The following DAB1 variants were observed in gnomAD, a reference collection of about 807,000 sequenced individuals.
DAB1 encodes disabled homolog 1.
DAB1 carries 15 observed loss-of-function variants against 64.6 expected under a neutral mutation model. The observed-to-expected ratio is 0.23, with a 90% CI of 0.16 to 0.36. The LOEUF (loss-of-function observed/expected upper bound fraction) is 0.36. DAB1 is among the 10% of genes least tolerant of loss of function. DAB1 has a pLI of 1.00. For synonymous variants in DAB1, 235 were observed against 251.9 expected (o/e 0.93, Z 0.64); for missense variants, 596 against 706.7 (o/e 0.84, Z 1.78).
chr1:57,566,126 C>T (rs1645117439), intron 7 of DAB1, among the ~76,000 whole-genome samples: 1 of 152,170 alleles, frequency 6.6e-6, no homozygotes, highest in South Asian at 2.1e-4. Flanking sequence ...GAAACTCACT[C>T]AAAACCACTC....
chr1:57,588,185 T>A (rs1645402465), intron 7 of DAB1, among the ~76,000 whole-genome samples: 5 of 152,216 alleles, frequency 3.3e-5, no homozygotes, highest in Admixed American at 3.3e-4. Flanking sequence ...ATGGGCAGCA[T>A]CAGCCTAACC....
intron 7 of DAB1, among the ~76,000 whole-genome samples, chr1:57,450,587 G>A (rs1686313757): frequency 6.6e-6 from 1 of 152,148 alleles, no homozygotes; most frequent in African/African-American, 2.4e-5. Flanking sequence ...ATTGCTCACA[G>A]GCTATACAAA....
chr1:57,532,611 A>G (rs1465770553), intron 7 of DAB1, among the ~76,000 whole-genome samples: 1 of 152,178 alleles, frequency 6.6e-6, no homozygotes, highest in African/African-American at 2.4e-5. Context: ...TGTGATATGC[A>G]TCAATAAGAG....
chr1:58,127,625 C>T (rs571470629), intron 5 of DAB1, among the ~76,000 whole-genome samples: 1 of 152,224 alleles, frequency 6.6e-6, no homozygotes, highest in South Asian at 2.1e-4. Flanking sequence ...CCATCTTGAA[C>T]TGATTTTTGT....
intron 1 of DAB1, among the ~76,000 whole-genome samples, chr1:57,365,803 T>C (rs992939230): frequency 6.6e-5 from 10 of 152,200 alleles, no homozygotes; most frequent in Admixed American, 6.5e-4. Context: ...CACAGACATT[T>C]ATACGGGCAG....
chr1:58,275,695 G>C (rs1033408863), intron 4 of DAB1, among the ~76,000 whole-genome samples: 3 of 152,136 alleles, frequency 2.0e-5, no homozygotes, highest in African/African-American at 7.2e-5. Context: ...ATAACAGAGT[G>C]AAGAAGTTGA....
chr1:58,281,960 A>G (rs1661573935), intron 4 of DAB1, among the ~76,000 whole-genome samples: 1 of 150,900 alleles, frequency 6.6e-6, no homozygotes, highest in African/African-American at 2.5e-5. Context: ...CATCATTGTT[A>G]TCATCATTAC....
intron 2 of DAB1, among the ~76,000 whole-genome samples, chr1:57,283,064 C>T (rs1247128231): frequency 6.6e-6 from 1 of 152,220 alleles, no homozygotes; most frequent in African/African-American, 2.4e-5. Flanking sequence ...TATGGCAACT[C>T]AGACAGACAA....
intron 7 of DAB1, among the ~76,000 whole-genome samples, chr1:57,497,232 G>GAGTATATAGTAATA (rs1389474937): frequency 5.3e-5 from 8 of 152,080 alleles, no homozygotes; most frequent in African/African-American, 1.9e-4. Flanking sequence ...TTTCTTTATA[G>GAGTATATAGTAATA]CACTTATTAC....
At position 57,439,418 on chromosome 1, in the gene DAB1, G is replaced by GTTTTTTTTTTTTTTTTTTTT; in HGVS notation, n.626-148253_626-148252insAAAAAAAAAAAAAAAAAAAA. ...GCCATGCCATCAACTTGGTGATGAG[G>GTTTTTTTTTTTTTTTTTTTT]TTTTTTCTTTTTTTTTTTTTTTTTT... On this transcript the variant is annotated intron_variant and non_coding_transcript_variant, in intron 7 of 20. Transcript: ENST00000485760. 1.2e-3 allele frequency among the ~76,000 whole-genome samples: 138 copies of GTTTTTTTTTTTTTTTTTTTT among 116,108 alleles called. 23 individuals carry two copies. The highest frequency in any genetic ancestry group is 3.8e-3 in the African/African-American group (108 of 28,268). 76.2% of individuals were successfully genotyped at this position (116,108 alleles called of 152,430 possible).
chr1:57,347,048 G>A (rs1678168293), intron 1 of DAB1, among the ~76,000 whole-genome samples: 1 of 152,198 alleles, frequency 6.6e-6, no homozygotes, highest in Non-Finnish European at 1.5e-5. Context: ...TAAAAGCTAT[G>A]ATATCAACCA....
rs190239412 is a variant in DAB1, at chr1:57,320,060, G to C, written c.-136-28894C>G. On this transcript the variant is annotated intron_variant, in intron 1 of 14. Coordinates refer to ENST00000371236, the MANE Select transcript of DAB1 (RefSeq NM_001365792.1). Reference sequence around the variant, plus strand: ...CTCCCTCTGGGTTTCTGTTATATCCGATAACAAATGGCTTTATTCCTTAAG... The same window carrying C: ...CTCCCTCTGGGTTTCTGTTATATCCCATAACAAATGGCTTTATTCCTTAAG... Among the ~76,000 whole-genome samples, 6 of 152,256 alleles carry C rather than the reference G, an allele frequency of 3.9e-5. No homozygotes were observed. In the East Asian group the frequency reaches 1.2e-3, roughly 29 times the overall value.
chr1:57,907,276 A>G (rs1212671038), intron 5 of DAB1, among the ~76,000 whole-genome samples: 1 of 152,214 alleles, frequency 6.6e-6, no homozygotes, highest in Non-Finnish European at 1.5e-5. Flanking sequence ...TGCACACAGC[A>G]TAGGTATCTG....
intron 6 of DAB1, among the ~76,000 whole-genome samples, chr1:57,764,554 T>C (rs984846853): frequency 1.3e-5 from 2 of 152,190 alleles, no homozygotes; most frequent in Non-Finnish European, 2.9e-5. Flanking sequence ...TGTTGTATCT[T>C]TTAACAAATC....
intron 5 of DAB1, among the ~76,000 whole-genome samples, chr1:58,055,788 TCTGTCACTG>T (rs1208005551): frequency 1.5e-5 from 1 of 67,034 alleles, no homozygotes; most frequent in Non-Finnish European, 2.7e-5. Flanking sequence ...CACTGCAACC[TCTGTCACTG>T]CAACCTCTGT....
At chr1:57,026,387 C>A (rs1646789373) in intron 9 of DAB1, among the ~76,000 whole-genome samples, 1 of 152,190 alleles carries the variant, frequency 6.6e-6, no homozygotes, top group Non-Finnish European at 1.5e-5. Context: ...GGGAGGCAAT[C>A]CCATCATTGG....
chr1:56,995,400 A>G lies in DAB1; in HGVS notation c.*2744T>C, dbSNP rs1645580082. On this transcript the variant is annotated 3_prime_UTR_variant, in exon 15 of 15. Coordinates refer to ENST00000371236, the MANE Select transcript of DAB1 (RefSeq NM_001365792.1). ...TCCAGGCTCACCAAACAGTGCTTGG[A>G]AAAAAATCAGAATTCTGCCAATGAG... 1 of 152,216 alleles carries G rather than the reference A, an allele frequency of 6.6e-6. No homozygotes were observed. The allele number at this position is 152,216 out of a possible 1,614,324, so 9.4% of individuals were successfully genotyped here.
At chr1:58,046,016 T>C (rs4097305) in intron 5 of DAB1, among the ~76,000 whole-genome samples, 76,046 of 151,332 alleles carry the variant, frequency 0.5, 19,298 homozygotes, top group African/African-American at 0.55. Context: ...GGTTATTAAA[T>C]GACCTTATTT....
intron 3 of DAB1, among the ~76,000 whole-genome samples, chr1:58,346,400 T>G (rs1015149371): frequency 3.9e-5 from 6 of 152,244 alleles, no homozygotes; most frequent in African/African-American, 1.2e-4. Context: ...ATCAGAGCTG[T>G]AAAAATGACT....
Sources: allele counts gnomAD v4.1 joint callset (sites outside exome capture counted in the v4.1 genomes callset), GRCh38; gene constraint gnomAD v4.1.1; transcripts MANE v1.5; gene names NCBI Gene and HGNC (gene_info 2026-07-23, HGNC 2026-07-21).